The following EHMT1 variants were observed in gnomAD, a reference collection of about 807,000 sequenced individuals.
The protein encoded by EHMT1 is euchromatic histone lysine methyltransferase 1.
A neutral mutation model predicts 147.2 loss-of-function variants in EHMT1; 15 were observed. The observed-to-expected ratio is 0.10, with a 90% CI of 0.07 to 0.16. The LOEUF is 0.16. EHMT1 is among the 10% of genes least tolerant of loss of function. The probability of loss-of-function intolerance (pLI) is 1.00; values close to 1 mark genes in which losing one functional copy is unlikely to be tolerated. For missense variants in EHMT1, 1,587 were observed against 1,772.4 expected (o/e 0.90, Z 1.88); for synonymous variants, 795 against 709.6 (o/e 1.12, Z -1.91).
rs566380849 is a variant in EHMT1 at position 137,817,642 on chromosome 9, G to A, written c.3461+117G>A. ...AGGCACATCCCTGGCGTACAGCAGC[G>A]TGGGGTGGGGGCCACAGAGACCCTG... On this transcript the variant is annotated intron_variant, in intron 24 of 26. Coordinates refer to ENST00000460843, the MANE Select transcript of EHMT1 (RefSeq NM_024757.5). 1.7e-5 allele frequency: 23 copies of A among 1,319,984 alleles called. 1 individual carries two copies. Among genetic ancestry groups the A allele is most frequent in the South Asian group, 8.6e-5 (7 of 81,130 alleles). The allele number at this position is 1,319,984 out of a possible 1,614,324, so 81.8% of individuals were successfully genotyped here.
At chr9:137,623,348 T>G (rs149608156) in intron 1 of EHMT1, among the ~76,000 whole-genome samples, 4 of 151,942 alleles carry the variant, frequency 2.6e-5, no homozygotes, top group African/African-American at 9.6e-5. Context: ...GAACACACTC[T>G]CCGTTAGCTA....
rs1956449000 is a variant in EHMT1 at position 137,834,343 on chromosome 9, C to T, written c.3541-6C>T. 10 of 1,612,824 alleles carry T rather than the reference C, an allele frequency of 6.2e-6. No homozygotes were observed. The highest frequency in any genetic ancestry group is 1.3e-5 in the African/African-American group (1 of 75,052). ...CTGCAGCCCGTGCCGGCTTCTCGCC[C>T]TGCAGGACGGGGAGGTTTACTGCAT... On this transcript the variant is annotated splice_polypyrimidine_tract_variant and splice_region_variant and intron_variant, in intron 25 of 26. Coordinates refer to ENST00000460843, the MANE Select transcript of EHMT1 (RefSeq NM_024757.5).
chr9:137,703,473 A>T (rs1944006805), intron 1 of EHMT1, among the ~76,000 whole-genome samples: 1 of 152,210 alleles, frequency 6.6e-6, no homozygotes, highest in Admixed American at 6.5e-5. Flanking sequence ...CAGCCAGGCC[A>T]CATCTTGACT....
chr9:137,834,746 G>C (rs554169612), intron 26 of EHMT1, 27 bp from the exon 27 acceptor site: 29 of 1,613,374 alleles, frequency 1.8e-5, no homozygotes, highest in Non-Finnish European at 2.4e-5. Flanking sequence ...GATTCGACTT[G>C]GAGCCTTGGT....
chr9:137,742,746 G>C (rs1948211423), intron 4 of EHMT1, among the ~76,000 whole-genome samples: 1 of 152,166 alleles, frequency 6.6e-6, no homozygotes, highest in African/African-American at 2.4e-5. Context: ...GTAGCTCCAG[G>C]CACTGTCTTT....
In EHMT1 at chr9:137,752,345, C is replaced by G; in HGVS notation, c.1185C>G (p.Ser395=). 1 of 1,614,092 alleles carries G rather than the reference C, an allele frequency of 6.2e-7. No homozygotes were observed. The highest frequency in any genetic ancestry group is 8.5e-7 in the Non-Finnish European group (1 of 1,180,018). ...TGGCTGATCAGATGGACGGGGAGTC[C>G]GAGGAGGAGCAGGAGTCCGTGGACA... is the stretch of plus-strand genomic sequence containing the variant. The part of the protein sequence containing the change: ...ADRAQKMDGE[S]EEEQESVDTG... Residue 395 remains serine (S), a synonymous_variant, in exon 7 of 27, where the codon TCC becomes TCG. Coordinates refer to ENST00000460843, the MANE Select transcript of EHMT1 (RefSeq NM_024757.5).
chr9:137,784,314 C>T, intron 15 of EHMT1: 1 of 1,351,844 alleles, frequency 7.4e-7, no homozygotes, highest in Non-Finnish European at 9.6e-7. Context: ...ATCTTCACAG[C>T]CTCGTAGCCT....
intron 9 of EHMT1, among the ~76,000 whole-genome samples, chr9:137,760,747 G>T (rs528991247): frequency 6.6e-6 from 1 of 152,182 alleles, no homozygotes. Context: ...GGGCGGCTCA[G>T]GCCTGTAATC....
chr9:137,807,478 CTTATTTATTTATTTAT>C (rs60007941), intron 18 of EHMT1, among the ~76,000 whole-genome samples: 101 of 148,110 alleles, frequency 6.8e-4, no homozygotes, highest in Admixed American at 3.2e-3. Context: ...GCTTTATTTA[CTTATTTATTTATTTAT>C]TTATTTATTT....
At chr9:137,771,438 T>C (rs7021475) in intron 10 of EHMT1, among the ~76,000 whole-genome samples, 50,488 of 151,952 alleles carry the variant, frequency 0.33, 8,685 homozygotes, top group Admixed American at 0.43. Context: ...TGACCTCAGG[T>C]GATCCTCCCA....
chr9:137,710,973 C>T lies in EHMT1; in HGVS notation c.28C>T (p.Pro10Ser), dbSNP rs1275804663. MAAADAEAV[P>S]ARGEPQQDCC... ...TGTTGTTTCTCTCTAACAGGCAGTTCCGGCGAGGGGGGAGCCTCAGCAGGA... is the reference window on the plus strand; with the variant it reads ...TGTTGTTTCTCTCTAACAGGCAGTTTCGGCGAGGGGGGAGCCTCAGCAGGA... The change falls in exon 2 of 27, where the codon CCG (proline) becomes TCG (serine). Residue 10 changes from proline (P) to serine (S), a missense_variant. Transcript: ENST00000460843. 1 of 1,597,224 alleles carries T rather than the reference C, an allele frequency of 6.3e-7. No homozygotes were observed. The highest frequency in any genetic ancestry group is 2.3e-5 in the East Asian group (1 of 44,206).
intron 4 of EHMT1, among the ~76,000 whole-genome samples, chr9:137,730,660 CATT>C (rs1947028292): frequency 6.6e-6 from 1 of 152,178 alleles, no homozygotes; most frequent in South Asian, 2.1e-4. Flanking sequence ...CCATTCCTAT[CATT>C]ATTTATTTTG....
rs931560737 is a variant in EHMT1 at position 137,775,633 on chromosome 9, A to G, written c.1791+381A>G. ...ACTGGAGACTCCAGGTGGAGGCTGT[A>G]CTGAGGACGTTCATCCCCCATGACA... is the stretch of plus-strand genomic sequence containing the variant. On this transcript the variant is annotated intron_variant, in intron 11 of 26. Coordinates refer to ENST00000460843, the MANE Select transcript of EHMT1 (RefSeq NM_024757.5). The surrounding 1 kb of genome is among the most constrained non-coding windows in gnomAD (Gnocchi z 6.1). Among the ~76,000 whole-genome samples the G allele has an allele frequency of 6.6e-6, 1 of 151,654 alleles. No homozygotes were observed. The highest frequency in any genetic ancestry group is 2.4e-5 in the African/African-American group (1 of 41,306).
chr9:137,742,269 TG>T (rs1948154213), intron 4 of EHMT1, among the ~76,000 whole-genome samples: 1 of 150,758 alleles, frequency 6.6e-6, no homozygotes, highest in Non-Finnish European at 1.5e-5. Context: ...CTGTTGCTTC[TG>T]CACTTTGTAG....
chr9:137,811,828 G>A (rs1954511069), intron 19 of EHMT1, among the ~76,000 whole-genome samples: 1 of 152,212 alleles, frequency 6.6e-6, no homozygotes, highest in South Asian at 2.1e-4. Flanking sequence ...TCTGGGTTAG[G>A]GAGGATTGTC....
chr9:137,717,168 T>C lies in EHMT1; in HGVS notation c.628T>C (p.Ser210Pro). The C allele has an allele frequency of 6.2e-7, 1 of 1,612,244 alleles. No homozygotes were observed. Among genetic ancestry groups the C allele is most frequent in the Non-Finnish European group, 8.5e-7 (1 of 1,179,984 alleles). Residue 210 changes from serine (S) to proline (P), a missense_variant, in exon 3 of 27, where the codon TCC becomes CCC. Physicochemically the swap from Ser to Pro is moderately conservative, Grantham distance 74. This residue lies in a region of EHMT1 where 810 missense variants were observed against 673.0 expected (regional missense o/e 1.20). Transcript: ENST00000460843. ...VHRARKTMPK[S>P]VVGLHAASKD... ...CAGGGCACGCAAGACCATGCCGAAGTCCGTCGTGGGCCTGGTAATTTTGTG... is the reference window on the plus strand; with the variant it reads ...CAGGGCACGCAAGACCATGCCGAAGCCCGTCGTGGGCCTGGTAATTTTGTG...
At chr9:137,751,853 C>G (rs371696525) in intron 6 of EHMT1, among the ~76,000 whole-genome samples, 1 of 152,154 alleles carries the variant, frequency 6.6e-6, no homozygotes, top group Non-Finnish European at 1.5e-5. Flanking sequence ...GTGGTGGCTC[C>G]GAGGATTGGA....
At chr9:137,646,334 A>G in intron 1 of EHMT1, 1 of 985,350 alleles carries the variant, frequency 1.0e-6, no homozygotes, top group Non-Finnish European at 1.2e-6. Context: ...TCTGTGGGAC[A>G]GTGGTACCTG....
intron 3 of EHMT1, among the ~76,000 whole-genome samples, chr9:137,722,376 T>C (rs1946147843): frequency 6.6e-6 from 1 of 152,248 alleles, no homozygotes; most frequent in Admixed American, 6.5e-5. Flanking sequence ...TGAAAATTAG[T>C]GAACATTCAC....
Sources: allele counts gnomAD v4.1 joint callset (sites outside exome capture counted in the v4.1 genomes callset), GRCh38; gene constraint gnomAD v4.1.1; regional missense constraint gnomAD v4.1.1; non-coding constraint Gnocchi (gnomAD v3.1); transcripts MANE v1.5; gene names NCBI Gene and HGNC (gene_info 2026-07-23, HGNC 2026-07-21).